CBLN2: variants seen among roughly 807,000 people sequenced by gnomAD.
CBLN2 encodes cerebellin 2 precursor.
CBLN2 carries 7 observed loss-of-function variants against 15.0 expected under a neutral mutation model. That is an observed-to-expected ratio of 0.47 (90% CI 0.27 to 0.88). The LOEUF is 0.88. CBLN2 is among the 40% of genes least tolerant of loss of function. The pLI is 0.14. For synonymous variants in CBLN2, 149 were observed against 135.2 expected, an observed-to-expected ratio of 1.10 and a Z score of -0.71; for missense variants, 242 against 304.5, an observed-to-expected ratio of 0.79 and a Z score of 1.53.
Position 72,549,755 on chromosome 18 carries a change from G to A in CBLN2, c.16-10983C>T, listed in dbSNP as rs114209053. 2.9e-3 allele frequency among the ~76,000 whole-genome samples: 444 copies of A among 152,248 alleles called. 3 individuals are homozygous for A. Among genetic ancestry groups the A allele is most frequent in the African/African-American group, 0.01 (423 of 41,542 alleles). Reference sequence around the variant, plus strand: ...AAAACAGGAGAAATGGCTTTCTAAAGGCATTTTTAATTGGTAGCTAGGGGA... The same window carrying A: ...AAAACAGGAGAAATGGCTTTCTAAAAGCATTTTTAATTGGTAGCTAGGGGA... On this transcript the variant is annotated intron_variant, in intron 1 of 2. Coordinates refer to the CBLN2 transcript ENST00000581073.
intron 1 of CBLN2, among the ~76,000 whole-genome samples, chr18:72,555,503 GT>G (rs1328068368): frequency 6.6e-6 from 1 of 151,932 alleles, no homozygotes; most frequent in African/African-American, 2.4e-5. Flanking sequence ...AGGTTGAGTT[GT>G]TGCCGTTGAA....
At chr18:72,590,637 A>G (rs1302061551) in intron 1 of CBLN2, among the ~76,000 whole-genome samples, 1 of 152,230 alleles carries the variant, frequency 6.6e-6, no homozygotes, top group Non-Finnish European at 1.5e-5. Context: ...TAGTGTACAG[A>G]TTTTTATCTT....
At chr18:72,556,221 T>C (rs1246786762) in intron 1 of CBLN2, among the ~76,000 whole-genome samples, 1 of 152,208 alleles carries the variant, frequency 6.6e-6, no homozygotes, top group African/African-American at 2.4e-5. Context: ...AGCGAATAAA[T>C]GTGGAATTCT....
rs973280822 is a variant in CBLN2 at position 72,542,236 on chromosome 18, G to C, written c.-76C>G. On this transcript the variant is annotated 5_prime_UTR_variant, in exon 3 of 5. Coordinates refer to ENST00000269503, the MANE Select transcript of CBLN2 (RefSeq NM_182511.4). ...GCGGCGCGGAAGGGCGCGAAGGAAC[G>C]CGCGGAGCTCGCAGCAGCCTCCGGG... is the stretch of plus-strand genomic sequence containing the variant. The C allele has an allele frequency of 2.0e-6, 2 of 1,014,622 alleles. No homozygotes were observed. Among genetic ancestry groups the C allele is most frequent in the Admixed American group, 4.7e-5 (1 of 21,270 alleles). The allele number at this position is 1,014,622 out of a possible 1,614,324, so 62.9% of individuals were successfully genotyped here.
At chr18:72,638,208 A>T (rs1045991922) in intron 1 of CBLN2, 2 of 397,468 alleles carry the variant, frequency 5.0e-6, no homozygotes, top group African/African-American at 4.1e-5. Flanking sequence ...TTTGCATTAC[A>T]TTTAGTCCTT....
chr18:72,555,303 C>G (rs1453324267), intron 1 of CBLN2, among the ~76,000 whole-genome samples: 1 of 152,032 alleles, frequency 6.6e-6, no homozygotes, highest in Non-Finnish European at 1.5e-5. Flanking sequence ...CATCTACTTT[C>G]AATATGTGTT....
At chr18:72,564,455 A>G (rs894657730) in intron 1 of CBLN2, among the ~76,000 whole-genome samples, 1 of 152,144 alleles carries the variant, frequency 6.6e-6, no homozygotes, top group Non-Finnish European at 1.5e-5. Flanking sequence ...AGAAGAAAGA[A>G]TTTCTGATTT....
At chr18:72,592,858 T>C (rs2069488888) in intron 1 of CBLN2, among the ~76,000 whole-genome samples, 1 of 152,178 alleles carries the variant, frequency 6.6e-6, no homozygotes, top group Non-Finnish European at 1.5e-5. Flanking sequence ...TGTACCTTTT[T>C]TATACCACTA....
chr18:72,565,019 C>T (rs1252573906), intron 1 of CBLN2, among the ~76,000 whole-genome samples: 1 of 152,048 alleles, frequency 6.6e-6, no homozygotes, highest in Non-Finnish European at 1.5e-5. Context: ...AATCTGTCGG[C>T]CAAGAATAGC....
chr18:72,630,537 A>AC (rs5826205), intron 1 of CBLN2, among the ~76,000 whole-genome samples: 33,855 of 141,582 alleles, frequency 0.24, 4,941 homozygotes, highest in African/African-American at 0.42. Context: ...ACAACTCACA[A>AC]CCCTCCCCCC....
chr18:72,577,490 C>A (rs143757579), intron 1 of CBLN2, among the ~76,000 whole-genome samples: 1 of 152,288 alleles, frequency 6.6e-6, no homozygotes, highest in Non-Finnish European at 1.5e-5. Context: ...CTGTTCTCCA[C>A]AGCAAAGCAT....
chr18:72,632,141 A>G (rs1194676498), intron 1 of CBLN2, among the ~76,000 whole-genome samples: 1 of 152,040 alleles, frequency 6.6e-6, no homozygotes, highest in East Asian at 1.9e-4. Context: ...TAATTTACTT[A>G]CTCTTTGTTA....
At chr18:72,601,496 G>A (rs1246894155) in intron 1 of CBLN2, among the ~76,000 whole-genome samples, 9 of 152,166 alleles carry the variant, frequency 5.9e-5, no homozygotes. Flanking sequence ...TCTCCATGCA[G>A]AGGAGAAGGT....
chr18:72,618,961 G>A, intron 1 of CBLN2: 1 of 751,250 alleles, frequency 1.3e-6, no homozygotes, highest in Non-Finnish European at 2.4e-6. Context: ...TGGCAGCCAT[G>A]GTGATGGTGG....
At position 72,542,222 on chromosome 18, in the gene CBLN2, G is replaced by C; in HGVS notation, c.-62C>G. ...CGGCGCCGGCGCGAGCGGCGCGGAAGGGCGCGAAGGAACGCGCGGAGCTCG... is the reference window on the plus strand; with the variant it reads ...CGGCGCCGGCGCGAGCGGCGCGGAACGGCGCGAAGGAACGCGCGGAGCTCG... On this transcript the variant is annotated 5_prime_UTR_variant, in exon 3 of 5. Coordinates refer to ENST00000269503, the MANE Select transcript of CBLN2 (RefSeq NM_182511.4). 1.8e-6 allele frequency: 2 copies of C among 1,108,316 alleles called. No homozygotes were observed. Among genetic ancestry groups the C allele is most frequent in the Non-Finnish European group, 2.2e-6 (2 of 894,896 alleles). The allele number at this position is 1,108,316 out of a possible 1,614,324, so 68.7% of individuals were successfully genotyped here. A position where few individuals can be genotyped will look rare whatever the true frequency, so the allele number is the denominator to read the frequency against.
rs185483334 is a variant in CBLN2 at position 72,612,927 on chromosome 18, C to T, written c.15+25398G>A. 1.4e-3 allele frequency among the ~76,000 whole-genome samples: 219 copies of T among 152,306 alleles called. 1 individual carries two copies. Among genetic ancestry groups the T allele is most frequent in the Non-Finnish European group, 2.5e-3 (168 of 68,018 alleles). ...GTTCTGCAGGCCAGAAGTCCAAGAT[C>T]AAGCTGTCAGTAGGGTTGGTTCTTC... On this transcript the variant is annotated intron_variant, in intron 1 of 2. Coordinates refer to the CBLN2 transcript ENST00000581073.
At chr18:72,636,306 A>G (rs2069812152) in intron 1 of CBLN2, among the ~76,000 whole-genome samples, 1 of 152,226 alleles carries the variant, frequency 6.6e-6, no homozygotes, top group Non-Finnish European at 1.5e-5. Context: ...AGTACACCTT[A>G]TACAACAAGC....
chr18:72,612,382 A>G (rs781677361), intron 1 of CBLN2, among the ~76,000 whole-genome samples: 60 of 152,258 alleles, frequency 3.9e-4, no homozygotes, highest in Non-Finnish European at 6.3e-4. Context: ...GCACATGAAC[A>G]CTCACATTTG....
chr18:72,556,790 A>G (rs1254410350), intron 1 of CBLN2, among the ~76,000 whole-genome samples: 1 of 152,152 alleles, frequency 6.6e-6, no homozygotes, highest in Non-Finnish European at 1.5e-5. Flanking sequence ...TTCTCAGCGT[A>G]TTATGATGCC....
Sources: allele counts gnomAD v4.1 joint callset (sites outside exome capture counted in the v4.1 genomes callset), GRCh38; gene constraint gnomAD v4.1.1; transcripts MANE v1.5; gene names NCBI Gene and HGNC (gene_info 2026-07-23, HGNC 2026-07-21).